DRG1: variants seen among roughly 807,000 people sequenced by gnomAD.
The protein encoded by DRG1 is developmentally regulated GTP binding protein 1.
Under a neutral mutation model 38.8 loss-of-function variants are expected in DRG1, and 19 were observed. That is an observed-to-expected ratio of 0.49 (90% CI 0.34 to 0.72). DRG1 has a LOEUF of 0.72. Among genes scored for constraint, DRG1 ranks in the 30% least tolerant of loss-of-function variants. The pLI, the probability that DRG1 is intolerant of heterozygous loss-of-function variation, is 0.01. For synonymous variants in DRG1, 167 were observed against 157.5 expected (o/e 1.06, Z -0.45); for missense variants, 299 against 444.8 (o/e 0.67, Z 2.95).
At chr22:31,424,488 C>CTTTTTTTTT (rs398036881) in intron 6 of DRG1, among the ~76,000 whole-genome samples, 31 of 71,396 alleles carry the variant, frequency 4.3e-4, no homozygotes, top group East Asian at 1.5e-3. Flanking sequence ...GCTTTGGTTT[C>CTTTTTTTTT]TTTTTTTTTT....
chr22:31,409,074 A>G (rs1374802914), intron 3 of DRG1, among the ~76,000 whole-genome samples: 1 of 151,978 alleles, frequency 6.6e-6, no homozygotes, highest in Non-Finnish European at 1.5e-5. Context: ...ATCTTTTTAA[A>G]ATCTTTTAAA....
intron 3 of DRG1, among the ~76,000 whole-genome samples, chr22:31,407,522 G>A (rs1337788076): frequency 6.6e-6 from 1 of 151,960 alleles, no homozygotes. Flanking sequence ...TTTTTGTAGA[G>A]ACAGAGTCTC....
chr22:31,431,031 C>CGG (rs2050136139), intron 8 of DRG1, among the ~76,000 whole-genome samples: 1 of 87,702 alleles, frequency 1.1e-5, no homozygotes, highest in African/African-American at 4.0e-5. Context: ...CCCCCCCCCC[C>CGG]CCGCTTTTTT....
intron 4 of DRG1, among the ~76,000 whole-genome samples, chr22:31,411,895 A>AC (rs1311041253): frequency 6.6e-6 from 1 of 152,046 alleles, no homozygotes; most frequent in Non-Finnish European, 1.5e-5. Context: ...AATTTGAAGA[A>AC]CGCTATCTTC....
At chr22:31,403,549 C>G (rs1022199032) in intron 3 of DRG1, among the ~76,000 whole-genome samples, 5 of 152,110 alleles carry the variant, frequency 3.3e-5, no homozygotes, top group Admixed American at 6.6e-5. Context: ...TGCCTGTAAT[C>G]CCAGCAACTC....
At chr22:31,429,433 C>CT (rs2050127844) in intron 8 of DRG1, among the ~76,000 whole-genome samples, 1 of 151,874 alleles carries the variant, frequency 6.6e-6, no homozygotes, top group African/African-American at 2.4e-5. Flanking sequence ...AATGGTGATT[C>CT]TTTATTTTCC....
At chr22:31,427,390 AT>A (rs2050116549) in intron 8 of DRG1, among the ~76,000 whole-genome samples, 1 of 152,278 alleles carries the variant, frequency 6.6e-6, no homozygotes, top group African/African-American at 2.4e-5. Context: ...AGGAAGCCTG[AT>A]GACACAAACA....
chr22:31,434,025 C>G lies in DRG1; in HGVS notation c.*54C>G. On this transcript the variant is annotated 3_prime_UTR_variant, in exon 9 of 9. Transcript: ENST00000331457. The stretch of plus-strand genomic sequence containing the variant: ...GAACCACAACAGCGTTCCCCATGAT[C>G]AAGCACCCTACCCCAGTTCTTTCTG... 5 of 1,530,180 alleles carry G rather than the reference C, an allele frequency of 3.3e-6. No homozygotes were observed. Among genetic ancestry groups the G allele is most frequent in the Non-Finnish European group, 3.6e-6 (4 of 1,109,586 alleles). 94.8% of individuals were successfully genotyped at this position (1,530,180 alleles called of 1,614,324 possible). A position where few individuals can be genotyped will look rare whatever the true frequency, so the allele number is the denominator to read the frequency against.
At chr22:31,421,004 A>G (rs2050073808) in intron 5 of DRG1, among the ~76,000 whole-genome samples, 1 of 152,164 alleles carries the variant, frequency 6.6e-6, no homozygotes, top group Non-Finnish European at 1.5e-5. Context: ...AACCAAGTGG[A>G]TATCTTGAAG....
chr22:31,405,465 C>T (rs1246320717), intron 3 of DRG1, among the ~76,000 whole-genome samples: 3 of 152,148 alleles, frequency 2.0e-5, no homozygotes, highest in African/African-American at 7.2e-5. Flanking sequence ...CGTGCCTGGC[C>T]GGGCCTTAAT....
intron 4 of DRG1, among the ~76,000 whole-genome samples, chr22:31,418,791 C>T (rs1188388677): frequency 1.3e-5 from 2 of 152,204 alleles, no homozygotes; most frequent in East Asian, 1.9e-4. Flanking sequence ...AAGAGATTCT[C>T]CTGCCTCAGC....
chr22:31,419,298 G>C (rs1488956444), intron 4 of DRG1, among the ~76,000 whole-genome samples: 1 of 151,684 alleles, frequency 6.6e-6, no homozygotes, highest in Non-Finnish European at 1.5e-5. Flanking sequence ...GCGAGACTCT[G>C]TCTCTGTCAA....
At chr22:31,422,217 AG>A (rs1458320394) in intron 5 of DRG1, among the ~76,000 whole-genome samples, 1 of 152,162 alleles carries the variant, frequency 6.6e-6, no homozygotes, top group Non-Finnish European at 1.5e-5. Flanking sequence ...AGATTACATG[AG>A]GTCAGGAGTT....
intron 2 of DRG1, among the ~76,000 whole-genome samples, chr22:31,402,063 G>A (rs2049964587): frequency 6.6e-6 from 1 of 151,566 alleles, no homozygotes; most frequent in Non-Finnish European, 1.5e-5. Flanking sequence ...GAAAAAAAAA[G>A]AAAAAACAAA....
At chr22:31,411,737 C>T (rs2050019391) in intron 4 of DRG1, among the ~76,000 whole-genome samples, 1 of 151,480 alleles carries the variant, frequency 6.6e-6, no homozygotes, top group Admixed American at 6.6e-5. Flanking sequence ...ACCATGTTAC[C>T]CAGGCTGAAG....
At chr22:31,433,289 T>TTTTTTTTTTTG (rs2050151411) in intron 8 of DRG1, among the ~76,000 whole-genome samples, 1 of 149,516 alleles carries the variant, frequency 6.7e-6, no homozygotes, top group Non-Finnish European at 1.5e-5. Flanking sequence ...TTTTTTTTTT[T>TTTTTTTTTTTG]GAGGCGGAGT....
At position 31,410,279 on chromosome 22, in the gene DRG1, AC is replaced by A. The variant is rs1224634484; in HGVS notation, c.343-729del. Among the ~76,000 whole-genome samples, 3 of 150,244 alleles carry A rather than the reference AC, an allele frequency of 2.0e-5. No homozygotes were observed. The East Asian group carries it at 6.0e-4, about 30-fold the overall frequency. On this transcript the variant is annotated intron_variant, in intron 3 of 8. Transcript: ENST00000331457. ...AGACCAGCCTGGCCAATATGGTGAA[AC>A]CCCGTCCCTACTAAAAATACAAAAA...
chr22:31,402,879 G>T, intron 2 of DRG1, 150 bp from the exon 3 acceptor site: 1 of 803,910 alleles, frequency 1.2e-6, no homozygotes. Flanking sequence ...CTCAAGTTTT[G>T]TGTGCTTTAG....
At chr22:31,424,488 CTTTTTTTTTTTTTTT>C (rs398036881) in intron 6 of DRG1, among the ~76,000 whole-genome samples, 4 of 71,404 alleles carry the variant, frequency 5.6e-5, no homozygotes, top group African/African-American at 2.3e-4. Flanking sequence ...GCTTTGGTTT[CTTTTTTTTTTTTTTT>C]TTTTTTTTTT....
Sources: allele counts gnomAD v4.1 joint callset (sites outside exome capture counted in the v4.1 genomes callset), GRCh38; gene constraint gnomAD v4.1.1; transcripts MANE v1.5; gene names NCBI Gene and HGNC (gene_info 2026-07-23, HGNC 2026-07-21).